STK35: variants seen among roughly 807,000 people sequenced by gnomAD.
STK35 encodes serine/threonine kinase 35, also known as serine/threonine-protein kinase 35.
STK35 carries 17 observed loss-of-function variants against 37.3 expected under a neutral mutation model. That is an observed-to-expected ratio of 0.46 (90% CI 0.31 to 0.68). The LOEUF (loss-of-function observed/expected upper bound fraction) is 0.68. Ranked by LOEUF, STK35 falls within the 30% of genes least tolerant of loss-of-function variation. The pLI, the probability that STK35 is intolerant of heterozygous loss-of-function variation, is 0.05. For synonymous variants in STK35, 385 were observed against 319.1 expected, an observed-to-expected ratio of 1.21 and a Z score of -2.20; for missense variants, 595 against 746.7, an observed-to-expected ratio of 0.80 and a Z score of 2.37.
intron 2 of STK35, among the ~76,000 whole-genome samples, chr20:2,106,444 G>A (rs1352197481): frequency 6.6e-6 from 1 of 152,156 alleles, no homozygotes; most frequent in African/African-American, 2.4e-5. Context: ...AAAAAGCAAA[G>A]CAAAACACAC....
Position 2,103,050 on chromosome 20 carries a change from G to A in STK35, c.577G>A (p.Gly193Ser), listed in dbSNP as rs751483382. Residue 193 changes from glycine (G) to serine (S), a missense_variant, in exon 2 of 4, where the codon GGC (glycine) becomes AGC (serine). By Grantham distance (56) the Gly-to-Ser change is moderately conservative. Coordinates refer to ENST00000381482, the MANE Select transcript of STK35 (RefSeq NM_080836.4). ...EAFLARRRPE[G>S]GGGSARPRYS... is the part of the protein sequence containing the mutation. ...CTTCCTGGCGCGGCGACGGCCTGAG[G>A]GCGGTGGCGGGTCCGCGCGGCCGCG... 1.3e-5 allele frequency: 21 copies of A among 1,556,852 alleles called. No individual in the cohort carries two copies. Among genetic ancestry groups the A allele is most frequent in the Admixed American group, 1.9e-5 (1 of 53,612 alleles).
chr20:2,133,367 G>A (rs932049988), intron 3 of STK35, among the ~76,000 whole-genome samples: 1 of 152,186 alleles, frequency 6.6e-6, no homozygotes, highest in East Asian at 1.9e-4. Flanking sequence ...TGTCTCTGGG[G>A]ACCAATTGAG....
chr20:2,125,478 C>G (rs974542936), intron 3 of STK35, among the ~76,000 whole-genome samples: 3 of 152,234 alleles, frequency 2.0e-5, no homozygotes, highest in African/African-American at 4.8e-5. Context: ...ATGTATCTGT[C>G]TGGAAACTCT....
In STK35 at chr20:2,103,355, C is replaced by T. The variant is rs746729203; in HGVS notation, c.882C>T (p.Thr294=). The T allele has an allele frequency of 6.2e-7, 1 of 1,610,834 alleles. No homozygotes were observed. The highest frequency in any genetic ancestry group is 1.1e-5 in the South Asian group (1 of 90,992). The change falls in exon 2 of 4, where the codon ACC becomes ACT. Residue 294 remains threonine (T), a synonymous_variant. Coordinates refer to ENST00000381482, the MANE Select transcript of STK35 (RefSeq NM_080836.4). ...AGCTTTACCTGCGCCTGGTGGAGAC[C>T]TCGCTGAAAGGTAGGAGCACCGCGG... The part of the protein sequence containing the change: ...SSQLYLRLVE[T]SLKGERILGY...
chr20:2,132,917 C>T (rs960635708), intron 3 of STK35, among the ~76,000 whole-genome samples: 4 of 152,232 alleles, frequency 2.6e-5, no homozygotes, highest in African/African-American at 9.6e-5. Context: ...GTGTCCGGCG[C>T]AGTTCCTAGC....
At chr20:2,122,618 G>A (rs6075668) in intron 3 of STK35, among the ~76,000 whole-genome samples, 6 of 151,966 alleles carry the variant, frequency 3.9e-5, no homozygotes, top group African/African-American at 9.7e-5. Context: ...TATCAGGGCC[G>A]CAGTTTTATT....
At position 2,102,193 on chromosome 20, in the gene STK35, G is replaced by T. The variant is rs759527238; in HGVS notation, c.294+18G>T. The T allele has an allele frequency of 7.3e-7, 1 of 1,370,964 alleles. No homozygotes were observed. 84.9% of individuals were successfully genotyped at this position (1,370,964 alleles called of 1,614,324 possible). On this transcript the variant is annotated intron_variant, in intron 1 of 3. Transcript: ENST00000381482. ...CGGGCCAGGTAAGGGCGCCGTTGGA[G>T]GACTGAAGGCCAGCGCCGAGGCTGG...
At chr20:2,134,167 G>A (rs555394690) in intron 3 of STK35, among the ~76,000 whole-genome samples, 1 of 152,048 alleles carries the variant, frequency 6.6e-6, no homozygotes, top group South Asian at 2.1e-4. Context: ...GGCTGAAGCA[G>A]GAGAATCGCT....
At chr20:2,120,041 A>G (rs1985789834) in intron 3 of STK35, among the ~76,000 whole-genome samples, 1 of 152,264 alleles carries the variant, frequency 6.6e-6, no homozygotes, top group South Asian at 2.1e-4. Flanking sequence ...GTGCTATATT[A>G]GAAACCAAAA....
At position 2,116,883 on chromosome 20, in the gene STK35, G is replaced by A. The variant is rs768350133; in HGVS notation, c.1110G>A (p.Glu370=). ...DLKPDNILIT[E]RSGTPILKVA... ...AGCCAGACAACATCCTCATCACAGA[G>A]CGGTCTGGCACCCCCATCCTCAAAG... Residue 370 remains glutamate, a synonymous_variant, in exon 3 of 4, where the codon GAG becomes GAA. Coordinates refer to ENST00000381482, the MANE Select transcript of STK35 (RefSeq NM_080836.4). 5.0e-6 allele frequency: 8 copies of A among 1,614,184 alleles called. No homozygotes were observed. Among genetic ancestry groups the A allele is most frequent in the Non-Finnish European group, 8.5e-7 (1 of 1,180,030 alleles).
At chr20:2,119,265 AGAG>A (rs1244896593) in intron 3 of STK35, among the ~76,000 whole-genome samples, 1 of 152,242 alleles carries the variant, frequency 6.6e-6, no homozygotes, top group Non-Finnish European at 1.5e-5. Context: ...CACAGAGTCA[AGAG>A]GAGGGAATTG....
chr20:2,147,866 A>G lies in STK35; in HGVS notation c.*4120A>G, dbSNP rs542820949. The G allele has an allele frequency of 2.7e-4, 41 of 152,338 alleles. No individual in the cohort carries two copies. Among genetic ancestry groups the G allele is most frequent in the South Asian group, 1.0e-3 (5 of 4,826 alleles). The allele number at this position is 152,338 out of a possible 1,614,324, so 9.4% of individuals were successfully genotyped here. On this transcript the variant is annotated 3_prime_UTR_variant, in exon 4 of 4. Transcript: ENST00000381482. ...GTTTTGGAGGCAGAAGTCCAGAGAT[A>G]CTGGCTCTGCCAAGCTGTCGTACTG...
intron 2 of STK35, among the ~76,000 whole-genome samples, chr20:2,110,072 A>G (rs116986851): frequency 1.2e-3 from 176 of 152,394 alleles, no homozygotes; most frequent in Non-Finnish European, 1.4e-3. Context: ...TAACAGCACA[A>G]AATCATTGAG....
chr20:2,110,968 T>C (rs1985605876), intron 2 of STK35, among the ~76,000 whole-genome samples: 1 of 152,234 alleles, frequency 6.6e-6, no homozygotes, highest in African/African-American at 2.4e-5. Context: ...TCTCCTCACC[T>C]GTGAGAGGAA....
At chr20:2,137,905 C>T (rs976511492) in intron 3 of STK35, among the ~76,000 whole-genome samples, 2 of 152,152 alleles carry the variant, frequency 1.3e-5, no homozygotes, top group East Asian at 3.9e-4. Flanking sequence ...AGAGGACTGC[C>T]GTCTGTGACC....
chr20:2,104,053 T>C (rs528890900), intron 2 of STK35, among the ~76,000 whole-genome samples: 396 of 152,330 alleles, frequency 2.6e-3, no homozygotes, highest in Non-Finnish European at 4.1e-3. Flanking sequence ...ATCTTTTTCT[T>C]AACCTCAGAG....
intron 3 of STK35, among the ~76,000 whole-genome samples, chr20:2,137,874 C>T (rs999674677): frequency 1.3e-5 from 2 of 152,180 alleles, no homozygotes; most frequent in Non-Finnish European, 2.9e-5. Flanking sequence ...TGAAGAATGA[C>T]TAACCCCACT....
At chr20:2,136,281 G>C (rs1378489694) in intron 3 of STK35, among the ~76,000 whole-genome samples, 1 of 152,198 alleles carries the variant, frequency 6.6e-6, no homozygotes, top group African/African-American at 2.4e-5. Flanking sequence ...CGAGACAGGA[G>C]CCCCCTGGTT....
At chr20:2,129,241 C>G (rs1181499848) in intron 3 of STK35, among the ~76,000 whole-genome samples, 1 of 152,172 alleles carries the variant, frequency 6.6e-6, no homozygotes, top group Non-Finnish European at 1.5e-5. Flanking sequence ...GATGAGAATT[C>G]CCATCCTCAG....
Sources: gnomAD v4.1 joint callset for allele counts (sites outside exome capture counted in the v4.1 genomes callset) on GRCh38, gnomAD v4.1.1 for gene constraint, MANE v1.5 for transcripts, NCBI Gene and HGNC (gene_info 2026-07-23, HGNC 2026-07-21) for gene names.